CNTN4: variants seen among roughly 807,000 people sequenced by gnomAD.
CNTN4 encodes contactin 4.
In CNTN4, 77 loss-of-function variants were observed where a neutral mutation model predicts 122.5. That is an observed-to-expected ratio of 0.63 (90% CI 0.52 to 0.76). CNTN4 has a LOEUF of 0.76. Ranked by LOEUF, CNTN4 falls within the 30% of genes least tolerant of loss-of-function variation. The pLI, the probability that CNTN4 is intolerant of heterozygous loss-of-function variation, is 0.00. For missense variants in CNTN4, 1,256 were observed against 1,259.1 expected (o/e 1.00, Z 0.04); for synonymous variants, 512 against 447.0 (o/e 1.15, Z -1.83).
At chr3:2,140,025 G>T (rs565945703) in intron 2 of CNTN4, among the ~76,000 whole-genome samples, 47 of 152,282 alleles carry the variant, frequency 3.1e-4, no homozygotes, top group African/African-American at 1.0e-3. Context: ...TAGCAAATGC[G>T]TCTCACAGGA....
intron 6 of CNTN4, among the ~76,000 whole-genome samples, chr3:2,758,332 T>G (rs1055186916): frequency 2.6e-5 from 4 of 152,116 alleles, no homozygotes; most frequent in African/African-American, 7.2e-5. Flanking sequence ...GAAACCGAAA[T>G]GTCTTGGCCT....
At position 3,037,184 on chromosome 3, in the gene CNTN4, G is replaced by T. The variant is rs1699686187; in HGVS notation, c.1948G>T (p.Glu650Ter). 1.2e-6 allele frequency: 2 copies of T among 1,614,070 alleles called. No homozygotes were observed. The change falls in exon 18 of 25, where the codon GAA (glutamate) becomes TAA (stop). Residue 650 changes from glutamate (E) to a stop codon, truncating the protein, a stop_gained. Transcript: ENST00000418658. LOFTEE classifies it high-confidence loss of function. ...VGWQAVSTVP[E>*]LIDGKTFTAT... ...CACCTTTTGTTGTCTTTCAGTCCCA[G>T]AACTCATTGATGGGAAGACATTCAC... is the stretch of plus-strand genomic sequence containing the variant.
intron 10 of CNTN4, among the ~76,000 whole-genome samples, chr3:2,898,029 G>T (rs2094134113): frequency 6.6e-6 from 1 of 152,084 alleles, no homozygotes; most frequent in Admixed American, 6.5e-5. Flanking sequence ...CCCAAATATG[G>T]AGATACATGA....
At position 2,811,045 on chromosome 3, in the gene CNTN4, A is replaced by G. The variant is rs186392109; in HGVS notation, c.359-8441A>G. ...AAAAAAAGAAAAAAAAAAAGATCAG[A>G]AGTCATTTCTGTGAATGAGTCATTT... On this transcript the variant is annotated intron_variant, in intron 6 of 24. Coordinates refer to ENST00000418658, the MANE Select transcript of CNTN4 (RefSeq NM_175607.3). Among the ~76,000 whole-genome samples the G allele has an allele frequency of 4.1e-3, 626 of 152,006 alleles. 2 individuals are homozygous for G. Among genetic ancestry groups the G allele is most frequent in the African/African-American group, 0.014 (574 of 41,446 alleles).
At chr3:2,814,900 G>T (rs931817987) in intron 6 of CNTN4, among the ~76,000 whole-genome samples, 1 of 152,204 alleles carries the variant, frequency 6.6e-6, no homozygotes, top group African/African-American at 2.4e-5. Context: ...CACATGGTAT[G>T]ACTGCAATAT....
intron 6 of CNTN4, among the ~76,000 whole-genome samples, chr3:2,813,987 A>G (rs2092672353): frequency 6.6e-6 from 1 of 152,196 alleles, no homozygotes; most frequent in Non-Finnish European, 1.5e-5. Context: ...GGTCTCAATG[A>G]GGTAACACAT....
intron 3 of CNTN4, among the ~76,000 whole-genome samples, chr3:2,484,085 C>CAA (rs1303932954): frequency 6.6e-6 from 1 of 152,022 alleles, no homozygotes; most frequent in Non-Finnish European, 1.5e-5. Context: ...GCAAAATCTA[C>CAA]AAAGAACTTT....
chr3:2,674,784 A>AC (rs978893519), intron 4 of CNTN4, among the ~76,000 whole-genome samples: 1 of 151,400 alleles, frequency 6.6e-6, no homozygotes, highest in African/African-American at 2.4e-5. Context: ...AAAAAACAAA[A>AC]AAAAAAAAAA....
At chr3:2,195,173 A>G (rs4685495) in intron 2 of CNTN4, among the ~76,000 whole-genome samples, 105,531 of 151,770 alleles carry the variant, frequency 0.7, 37,763 homozygotes, top group South Asian at 0.83. Context: ...ATCATACAGT[A>G]TTTGTTATTC....
chr3:2,602,331 T>G (rs1311925059), intron 4 of CNTN4, among the ~76,000 whole-genome samples: 1 of 152,236 alleles, frequency 6.6e-6, no homozygotes, highest in Non-Finnish European at 1.5e-5. Flanking sequence ...CATGATTGTA[T>G]ATTTAGAAAA....
At chr3:3,021,240 T>C (rs1305065003) in intron 14 of CNTN4, among the ~76,000 whole-genome samples, 1 of 152,238 alleles carries the variant, frequency 6.6e-6, no homozygotes, top group Admixed American at 6.5e-5. Context: ...TTTAGATGTG[T>C]GTTTTATGCA....
At chr3:2,594,056 T>C (rs554223258) in intron 4 of CNTN4, among the ~76,000 whole-genome samples, 2 of 152,250 alleles carry the variant, frequency 1.3e-5, no homozygotes, top group East Asian at 3.9e-4. Context: ...AGCATGAAAA[T>C]TTGCCTGCCT....
chr3:2,658,103 G>A (rs1486041140), intron 4 of CNTN4, among the ~76,000 whole-genome samples: 1 of 150,388 alleles, frequency 6.6e-6, no homozygotes, highest in Non-Finnish European at 1.5e-5. Flanking sequence ...TTATGAGACA[G>A]CCAGGTCGGA....
chr3:2,318,238 G>A (rs1418524447), intron 2 of CNTN4, among the ~76,000 whole-genome samples: 2 of 148,574 alleles, frequency 1.3e-5, no homozygotes, highest in Non-Finnish European at 3.0e-5. Flanking sequence ...AAAAAAAAGA[G>A]TATGTGTATA....
At chr3:2,636,882 G>A (rs1249564482) in intron 4 of CNTN4, among the ~76,000 whole-genome samples, 1 of 147,726 alleles carries the variant, frequency 6.8e-6, no homozygotes, top group Admixed American at 6.7e-5. Flanking sequence ...TGTAATTATA[G>A]TGCATAGTTT....
intron 13 of CNTN4, among the ~76,000 whole-genome samples, chr3:2,957,683 A>T (rs2094814414): frequency 6.6e-6 from 1 of 152,126 alleles, no homozygotes; most frequent in African/African-American, 2.4e-5. Context: ...TAATAAGAAC[A>T]TGTGGTGTTT....
intron 3 of CNTN4, among the ~76,000 whole-genome samples, chr3:2,460,406 T>A (rs937927769): frequency 6.6e-6 from 1 of 152,084 alleles, no homozygotes; most frequent in Non-Finnish European, 1.5e-5. Flanking sequence ...AATCTCAGGG[T>A]CAATTCATGG....
intron 23 of CNTN4, among the ~76,000 whole-genome samples, chr3:3,049,975 T>C (rs1701087081): frequency 1.3e-5 from 2 of 152,208 alleles, no homozygotes; most frequent in African/African-American, 4.8e-5. Context: ...ACAGAATACC[T>C]GAGACTGGGC....
chr3:3,039,001 G>A lies in CNTN4; in HGVS notation c.2161G>A (p.Glu721Lys), dbSNP rs905745699. ...CAAATCTGAACTGGTTATAACCTGG[G>A]AGGTAAATGAATCACAGAATAAAAG... ...GSKSELVITW[E>K]TVPEELQNGR... is the part of the protein sequence containing the mutation. The change falls in exon 19 of 25, where the codon GAG becomes AAG. Residue 721 changes from glutamate (E) to lysine (K), a missense_variant and splice_region_variant. Glu to Lys is a moderately conservative substitution (Grantham distance 56, BLOSUM62 1). Transcript: ENST00000418658. 1 of 1,612,700 alleles carries A rather than the reference G, an allele frequency of 6.2e-7. No homozygotes were observed. The highest frequency in any genetic ancestry group is 8.5e-7 in the Non-Finnish European group (1 of 1,178,666).
Sources: allele counts gnomAD v4.1 joint callset (sites outside exome capture counted in the v4.1 genomes callset), GRCh38; gene constraint gnomAD v4.1.1; transcripts MANE v1.5; gene names NCBI Gene and HGNC (gene_info 2026-07-23, HGNC 2026-07-21).